The following MAN1A2 variants were observed in gnomAD, a reference collection of about 807,000 sequenced individuals.
MAN1A2 encodes the protein mannosidase alpha class 1A member 2, also known as mannosyl-oligosaccharide 1,2-alpha-mannosidase IB.
In MAN1A2, 26 loss-of-function variants were observed where a neutral mutation model predicts 75.7. That is an observed-to-expected ratio of 0.34 (90% CI 0.25 to 0.48). The LOEUF (loss-of-function observed/expected upper bound fraction) is 0.48, where lower values mean the gene tolerates loss of function less well. MAN1A2 is among the 20% of genes least tolerant of loss of function. The probability of loss-of-function intolerance (pLI) is 0.99; values close to 1 mark genes in which losing one functional copy is unlikely to be tolerated. For missense variants in MAN1A2, 562 were observed against 775.5 expected, an observed-to-expected ratio of 0.72 and a Z score of 3.27; for synonymous variants, 247 against 264.6, an observed-to-expected ratio of 0.93 and a Z score of 0.65.
intron 8 of MAN1A2, among the ~76,000 whole-genome samples, chr1:117,482,350 C>T (rs1336507526): frequency 1.3e-5 from 2 of 151,926 alleles, no homozygotes; most frequent in Admixed American, 1.3e-4. Flanking sequence ...TAAAAGTGTT[C>T]CTGTTTTTCC....
At chr1:117,416,851 G>A (rs1648009955) in intron 4 of MAN1A2, among the ~76,000 whole-genome samples, 1 of 152,148 alleles carries the variant, frequency 6.6e-6, no homozygotes, top group African/African-American at 2.4e-5. Context: ...AGAACTCTGA[G>A]GAGGAGACAC....
At chr1:117,372,272 T>C (rs1349506304) in intron 1 of MAN1A2, among the ~76,000 whole-genome samples, 4 of 152,012 alleles carry the variant, frequency 2.6e-5, no homozygotes. Flanking sequence ...GATAAATTAG[T>C]GGAGAAAAGT....
At chr1:117,374,248 GA>G (rs752414762) in intron 1 of MAN1A2, among the ~76,000 whole-genome samples, 9 of 152,112 alleles carry the variant, frequency 5.9e-5, no homozygotes, top group Non-Finnish European at 1.0e-4. Context: ...AGTTAGCTAT[GA>G]TTGTGTCCGT....
chr1:117,450,945 A>G (rs1222935500), intron 6 of MAN1A2, among the ~76,000 whole-genome samples: 1 of 152,216 alleles, frequency 6.6e-6, no homozygotes, highest in Non-Finnish European at 1.5e-5. Context: ...TTGGAGCCCC[A>G]ACACAGAGTA....
At chr1:117,469,930 T>C (rs1650095206) in intron 8 of MAN1A2, among the ~76,000 whole-genome samples, 2 of 152,086 alleles carry the variant, frequency 1.3e-5, no homozygotes, top group Admixed American at 1.3e-4. Context: ...AAGTTAAACA[T>C]AGAATTACCA....
Position 117,526,841 on chromosome 1 carries a change from C to CCTCTCTCTCTCTCTCTCTCT in MAN1A2, c.*3905_*3924dup, listed in dbSNP as rs759656863. 3.0e-5 allele frequency: 2 copies of CCTCTCTCTCTCTCTCTCTCT among 66,116 alleles called. No individual in the cohort carries two copies. The highest frequency in any genetic ancestry group is 6.9e-5 in the African/African-American group (1 of 14,482). 4.1% of individuals were successfully genotyped at this position (66,116 alleles called of 1,614,324 possible). ...TCAAATTGGCTAGGTCCTATCTTTT[C>CCTCTCTCTCTCTCTCTCTCT]CTCTCTCTCTCTCTCTCTCTCTCTC... On this transcript the variant is annotated 3_prime_UTR_variant, in exon 13 of 13. Transcript: ENST00000356554.
chr1:117,386,861 T>A (rs1387876489), intron 1 of MAN1A2, among the ~76,000 whole-genome samples: 1 of 142,550 alleles, frequency 7.0e-6, no homozygotes, highest in Admixed American at 7.0e-5. Context: ...TAGGGAGCTA[T>A]GATTGTGCCA....
In MAN1A2 at chr1:117,368,444, C is replaced by G; in HGVS notation, c.261C>G (p.Pro87=). 6.2e-7 allele frequency: 1 copy of G among 1,613,616 alleles called. No individual in the cohort carries two copies. The highest frequency in any genetic ancestry group is 1.3e-5 in the African/African-American group (1 of 74,936). ...ATGCCGGTAAAGGGGCTAAAAACCC[C>G]GGAGTCTTCCTGATCCATGGACCCG... is the stretch of plus-strand genomic sequence containing the variant. ...HVDAGKGAKN[P]GVFLIHGPDE... Residue 87 remains proline, a synonymous_variant, in exon 1 of 13, where the codon CCC becomes CCG. Coordinates refer to ENST00000356554, the MANE Select transcript of MAN1A2 (RefSeq NM_006699.5).
intron 1 of MAN1A2, among the ~76,000 whole-genome samples, chr1:117,376,559 C>T (rs184955233): frequency 1.3e-5 from 2 of 152,358 alleles, no homozygotes; most frequent in East Asian, 3.9e-4. Flanking sequence ...CACTCACCCA[C>T]CAACTCTCCT....
In MAN1A2 at chr1:117,409,084, T is replaced by C. The variant is rs78836230; in HGVS notation, c.655+3439T>C. On this transcript the variant is annotated intron_variant, in intron 3 of 12. Coordinates refer to ENST00000356554, the MANE Select transcript of MAN1A2 (RefSeq NM_006699.5). ...TTGATCTTTTCAAAGAAACAACTTT[T>C]GGGTTCATTGATCTTTGTAATATTT... Among the ~76,000 whole-genome samples the C allele has an allele frequency of 8.0e-3, 1,220 of 152,240 alleles. 27 individuals carry two copies. The highest frequency in any genetic ancestry group is 0.028 in the African/African-American group (1,170 of 41,568).
intron 3 of MAN1A2, among the ~76,000 whole-genome samples, chr1:117,407,688 C>T (rs1451579413): frequency 6.6e-6 from 1 of 152,106 alleles, no homozygotes; most frequent in African/African-American, 2.4e-5. Flanking sequence ...AACAGAAAAT[C>T]CATTGCAAAA....
At chr1:117,452,247 C>T (rs1297097338) in intron 6 of MAN1A2, among the ~76,000 whole-genome samples, 1 of 151,300 alleles carries the variant, frequency 6.6e-6, no homozygotes, top group East Asian at 1.9e-4. Flanking sequence ...GCGGAGGTTG[C>T]AGTGAGCTAA....
chr1:117,407,409 C>T (rs1257413283), intron 3 of MAN1A2, among the ~76,000 whole-genome samples: 1 of 151,532 alleles, frequency 6.6e-6, no homozygotes, highest in African/African-American at 2.4e-5. Flanking sequence ...TTTAAAAAAA[C>T]AGTAAAAGTC....
chr1:117,495,722 A>G (rs1651019301), intron 9 of MAN1A2, among the ~76,000 whole-genome samples: 1 of 151,884 alleles, frequency 6.6e-6, no homozygotes, highest in African/African-American at 2.4e-5. Context: ...TTTTTGGAAT[A>G]CCTTATATGT....
chr1:117,387,924 C>A (rs1653589905), intron 1 of MAN1A2, among the ~76,000 whole-genome samples: 1 of 152,112 alleles, frequency 6.6e-6, no homozygotes, highest in East Asian at 1.9e-4. Context: ...CCCACCCTCA[C>A]TACTTAATCT....
At chr1:117,445,880 G>GTATATATATATATATATATATATA (rs771435341) in intron 6 of MAN1A2, among the ~76,000 whole-genome samples, 2 of 125,992 alleles carry the variant, frequency 1.6e-5, no homozygotes, top group Non-Finnish European at 3.4e-5. Flanking sequence ...GTGTCTGTGT[G>GTATATATATATATATATATATATA]TGTGTATATA....
intron 1 of MAN1A2, among the ~76,000 whole-genome samples, chr1:117,383,078 A>T (rs1006738919): frequency 1.3e-5 from 2 of 152,186 alleles, no homozygotes; most frequent in Non-Finnish European, 2.9e-5. Context: ...TTCAAATAGT[A>T]GTGGTGAAAG....
At chr1:117,397,427 A>G (rs1026951497) in intron 1 of MAN1A2, among the ~76,000 whole-genome samples, 2 of 152,064 alleles carry the variant, frequency 1.3e-5, no homozygotes, top group African/African-American at 2.4e-5. Flanking sequence ...AAAAATTATT[A>G]TACATGTTGC....
chr1:117,419,784 A>G (rs1278746275), intron 4 of MAN1A2, among the ~76,000 whole-genome samples: 3 of 151,954 alleles, frequency 2.0e-5, no homozygotes, highest in South Asian at 2.1e-4. Context: ...TAATATTACT[A>G]TATTTGTGCT....
Sources: gnomAD v4.1 joint callset for allele counts (sites outside exome capture counted in the v4.1 genomes callset) on GRCh38, gnomAD v4.1.1 for gene constraint, MANE v1.5 for transcripts, NCBI Gene and HGNC (gene_info 2026-07-23, HGNC 2026-07-21) for gene names.